Variants in ADAMTS2 observed in about 807,000 individuals in gnomAD.
The protein encoded by ADAMTS2 is A disintegrin and metalloproteinase with thrombospondin motifs 2.
ADAMTS2 carries 50 observed loss-of-function variants against 123.0 expected under a neutral mutation model. The observed-to-expected ratio is 0.41, with a 90% CI of 0.32 to 0.51. ADAMTS2 has a LOEUF of 0.51. ADAMTS2 is among the 20% of genes least tolerant of loss of function. ADAMTS2 has a pLI of 0.35. For synonymous variants in ADAMTS2, 678 were observed against 695.4 expected (o/e 0.98, Z 0.39); for missense variants, 1,494 against 1,705.2 (o/e 0.88, Z 2.18).
At chr5:179,123,306 A>G (rs1053203567) in intron 19 of ADAMTS2, among the ~76,000 whole-genome samples, 45 of 152,262 alleles carry the variant, frequency 3.0e-4, no homozygotes, top group African/African-American at 1.1e-3. Flanking sequence ...AGCCTTGCCC[A>G]AGGAAAATTC....
chr5:179,313,643 CAG>C (rs1357791766), intron 2 of ADAMTS2, among the ~76,000 whole-genome samples: 1 of 21,444 alleles, frequency 4.7e-5, no homozygotes, highest in African/African-American at 1.3e-4. Context: ...CACACCGAGA[CAG>C]AGGAGGGCCT....
rs117653929 is a variant in ADAMTS2, at chr5:179,170,433, C to T, written c.975+10639G>A. On this transcript the variant is annotated intron_variant, in intron 5 of 21. Transcript: ENST00000251582. This position sits in a 1 kb window ranked among gnomAD's most constrained non-coding sequence, Gnocchi z 4.3. Reference sequence around the variant, plus strand: ...AGCTCAGCCCCCTCCTGACTGCCATCGCCTTGGTTTTGCCATGCTAAAATT... The same window carrying T: ...AGCTCAGCCCCCTCCTGACTGCCATTGCCTTGGTTTTGCCATGCTAAAATT... Among the ~76,000 whole-genome samples, 6 of 152,246 alleles carry T rather than the reference C, an allele frequency of 3.9e-5. No individual in the cohort carries two copies. The highest frequency in any genetic ancestry group is 1.9e-4 in the East Asian group (1 of 5,168).
At chr5:179,183,436 T>A (rs1311816505) in intron 4 of ADAMTS2, among the ~76,000 whole-genome samples, 3 of 152,110 alleles carry the variant, frequency 2.0e-5, no homozygotes, top group Non-Finnish European at 4.4e-5. Context: ...TACAGAACAG[T>A]CCTGACATCT....
At chr5:179,299,944 A>T (rs1360745456) in intron 2 of ADAMTS2, among the ~76,000 whole-genome samples, 2 of 151,880 alleles carry the variant, frequency 1.3e-5, no homozygotes, top group Non-Finnish European at 2.9e-5. Context: ...AATACAAAAA[A>T]TTAGCCAGGC....
At chr5:179,271,260 G>T (rs1438826436) in intron 3 of ADAMTS2, among the ~76,000 whole-genome samples, 1 of 152,206 alleles carries the variant, frequency 6.6e-6, no homozygotes, top group Admixed American at 6.5e-5. Flanking sequence ...TGTTCAGGAA[G>T]ACAAGCACCA....
chr5:179,258,259 C>A (rs340120), intron 3 of ADAMTS2, among the ~76,000 whole-genome samples: 78,035 of 151,500 alleles, frequency 0.52, 21,496 homozygotes, highest in East Asian at 0.92. Context: ...CCAGCCTGAC[C>A]CCCCCAGACC....
chr5:179,261,494 G>A lies in ADAMTS2; in HGVS notation c.688+11417C>T, dbSNP rs545686363. On this transcript the variant is annotated intron_variant, in intron 3 of 21. Coordinates refer to ENST00000251582, the MANE Select transcript of ADAMTS2 (RefSeq NM_014244.5). ...CTGCTCAGGGCCAGGGCTCGAGCGC[G>A]TCTGGGCTGGCTCAGGCCGCCATCT... Among the ~76,000 whole-genome samples, 52 of 152,332 alleles carry A rather than the reference G, an allele frequency of 3.4e-4. 1 individual carries two copies. The highest frequency in any genetic ancestry group is 1.1e-3 in the African/African-American group (47 of 41,588).
chr5:179,233,930 T>C (rs1052836882), intron 3 of ADAMTS2, among the ~76,000 whole-genome samples: 5 of 151,624 alleles, frequency 3.3e-5, no homozygotes, highest in African/African-American at 1.2e-4. Flanking sequence ...AAGCCAAACA[T>C]CCTCTCCCTC....
At position 179,128,462 on chromosome 5, in the gene ADAMTS2, G is replaced by A. The variant is rs6601020; in HGVS notation, c.2458-344C>T. Reference sequence around the variant, plus strand: ...GGCTGGAGTGTAGTGGCACGATCTCGGCTCACTGCAACCTCCGCCTCCCAG... The same window carrying A: ...GGCTGGAGTGTAGTGGCACGATCTCAGCTCACTGCAACCTCCGCCTCCCAG... On this transcript the variant is annotated intron_variant, in intron 16 of 21. Coordinates refer to ENST00000251582, the MANE Select transcript of ADAMTS2 (RefSeq NM_014244.5). This position sits in a 1 kb window ranked among gnomAD's most constrained non-coding sequence, Gnocchi z 4.9. Among the ~76,000 whole-genome samples, 69,895 of 151,854 alleles carry A rather than the reference G, an allele frequency of 0.46. 16,348 individuals carry two copies. Among genetic ancestry groups the A allele is most frequent in the Non-Finnish European group, 0.5 (33,946 of 67,910 alleles).
Position 179,113,864 on chromosome 5 carries a change from T to C in ADAMTS2, c.*3A>G. ...ATGCTAGGGATGCTATCTTTCCATT[T>C]TATTAGAACTTTCCGAGCATCTCTT... On this transcript the variant is annotated 3_prime_UTR_variant, in exon 22 of 22. Coordinates refer to ENST00000251582, the MANE Select transcript of ADAMTS2 (RefSeq NM_014244.5). 1 of 1,613,878 alleles carries C rather than the reference T, an allele frequency of 6.2e-7. No homozygotes were observed. The highest frequency in any genetic ancestry group is 2.2e-5 in the East Asian group (1 of 44,886).
At position 179,180,890 on chromosome 5, in the gene ADAMTS2, A is replaced by G. The variant is rs1764030155; in HGVS notation, c.975+182T>C. 6.6e-6 allele frequency among the ~76,000 whole-genome samples: 1 copy of G among 152,152 alleles called. No homozygotes were observed. Among genetic ancestry groups the G allele is most frequent in the Non-Finnish European group, 1.5e-5 (1 of 68,026 alleles). ...TTCAGTGAACAATAGTAATGGCCACATTTTAAAACAAGGGGTGAAAGGGAG... is the reference window on the plus strand; with the variant it reads ...TTCAGTGAACAATAGTAATGGCCACGTTTTAAAACAAGGGGTGAAAGGGAG... On this transcript the variant is annotated intron_variant, in intron 5 of 21. Coordinates refer to ENST00000251582, the MANE Select transcript of ADAMTS2 (RefSeq NM_014244.5). This position sits in a 1 kb window ranked among gnomAD's most constrained non-coding sequence, Gnocchi z 4.6.
At position 179,154,843 on chromosome 5, in the gene ADAMTS2, C is replaced by T. The variant is rs142967783; in HGVS notation, c.1209G>A (p.Ala403=). 29 of 1,613,056 alleles carry T rather than the reference C, an allele frequency of 1.8e-5. No homozygotes were observed. Among genetic ancestry groups the T allele is most frequent in the African/African-American group, 5.3e-5 (4 of 74,932 alleles). ...TLNHEDGFSS[A]FVVAHETGHV... The stretch of plus-strand genomic sequence containing the variant: ...GGCCAGTCTCATGGGCCACCACAAA[C>T]GCTGAGGAGAAGCCGTCCTCATGGT... The change falls in exon 7 of 22, where the codon GCG becomes GCA. Residue 403 remains alanine (A), a synonymous_variant. Transcript: ENST00000251582.
rs183807714 is a variant in ADAMTS2 at position 179,272,376 on chromosome 5, A to G, written c.688+535T>C. Among the ~76,000 whole-genome samples the G allele has an allele frequency of 1.7e-3, 265 of 152,296 alleles. 2 individuals are homozygous for G. Among genetic ancestry groups the G allele is most frequent in the African/African-American group, 6.0e-3 (250 of 41,566 alleles). On this transcript the variant is annotated intron_variant, in intron 3 of 21. Transcript: ENST00000251582. This position sits in a 1 kb window ranked among gnomAD's most constrained non-coding sequence, Gnocchi z 5.8. The stretch of plus-strand genomic sequence containing the variant: ...CACCTCCAGAGTCCTTGTAGGGCAC[A>G]TGCCTCCAGGGATCCAGAAAGAGCA...
chr5:179,193,294 G>A (rs1010814541), intron 4 of ADAMTS2, among the ~76,000 whole-genome samples: 33 of 152,164 alleles, frequency 2.2e-4, no homozygotes, highest in African/African-American at 6.8e-4. Flanking sequence ...CTCGCTGGTC[G>A]GCTCTGATCT....
intron 10 of ADAMTS2, among the ~76,000 whole-genome samples, chr5:179,142,055 G>C (rs1763180646): frequency 6.7e-6 from 1 of 148,962 alleles, no homozygotes; most frequent in Non-Finnish European, 1.5e-5. Context: ...TTTAGCTCTG[G>C]CTCAGTGGTG....
At chr5:179,200,362 C>T (rs1166810277) in intron 4 of ADAMTS2, among the ~76,000 whole-genome samples, 1 of 151,130 alleles carries the variant, frequency 6.6e-6, no homozygotes, top group East Asian at 1.9e-4. Flanking sequence ...CATTCTCCTG[C>T]CTCAGCCTCC....
intron 2 of ADAMTS2, among the ~76,000 whole-genome samples, chr5:179,288,983 G>A (rs890272551): frequency 1.3e-5 from 2 of 152,204 alleles, no homozygotes; most frequent in Non-Finnish European, 2.9e-5. Flanking sequence ...GGGATCTCAG[G>A]GCCCCCACCA....
chr5:179,322,320 C>A (rs921590969), intron 2 of ADAMTS2, among the ~76,000 whole-genome samples: 2 of 152,224 alleles, frequency 1.3e-5, no homozygotes, highest in Admixed American at 6.5e-5. Context: ...CCCGTGCCTT[C>A]TTTGAATCAG....
intron 2 of ADAMTS2, among the ~76,000 whole-genome samples, chr5:179,288,161 C>CGGAGG (rs1561690871): frequency 6.6e-6 from 1 of 152,206 alleles, no homozygotes; most frequent in Non-Finnish European, 1.5e-5. Flanking sequence ...CAGGACCCCT[C>CGGAGG]CGGCCTCATG....
Sources: allele counts gnomAD v4.1 joint callset (sites outside exome capture counted in the v4.1 genomes callset), GRCh38; gene constraint gnomAD v4.1.1; non-coding constraint Gnocchi (gnomAD v3.1); transcripts MANE v1.5; gene names NCBI Gene and HGNC (gene_info 2026-07-23, HGNC 2026-07-21).